Variants in DISP3 observed in about 807,000 individuals in gnomAD.
DISP3 encodes the protein dispatched RND transporter family member 3.
In DISP3, 101 loss-of-function variants were observed where a neutral mutation model predicts 135.3. The ratio of observed to expected loss-of-function variants is 0.75; its 90% CI spans 0.64 to 0.88. The LOEUF (loss-of-function observed/expected upper bound fraction) is 0.88. Among genes scored for constraint, DISP3 ranks in the 40% least tolerant of loss-of-function variants. The probability of loss-of-function intolerance (pLI) is 0.00; values close to 1 mark genes in which losing one functional copy is unlikely to be tolerated. For missense variants in DISP3, 1,713 were observed against 1,878.6 expected (o/e 0.91, Z 1.63); for synonymous variants, 856 against 817.0 (o/e 1.05, Z -0.81).
chr1:11,500,395 A>G (rs1263924189), intron 1 of DISP3, among the ~76,000 whole-genome samples: 3 of 152,224 alleles, frequency 2.0e-5, no homozygotes, highest in Non-Finnish European at 4.4e-5. Context: ...CTTTGACTCC[A>G]CAGTCGTACG....
chr1:11,524,367 G>A (rs549873664), intron 11 of DISP3, among the ~76,000 whole-genome samples: 75 of 152,092 alleles, frequency 4.9e-4, no homozygotes, highest in Non-Finnish European at 9.3e-4. Context: ...CCCTGCTGGA[G>A]TCTCCCTCAG....
At position 11,529,990 on chromosome 1, in the gene DISP3, G is replaced by T; in HGVS notation, c.3102+31G>T. 6.2e-7 allele frequency: 1 copy of T among 1,601,052 alleles called. No homozygotes were observed. The highest frequency in any genetic ancestry group is 8.5e-7 in the Non-Finnish European group (1 of 1,176,960). On this transcript the variant is annotated intron_variant, in intron 15 of 20. Transcript: ENST00000294484. This position sits in a 1 kb window ranked among gnomAD's most constrained non-coding sequence, Gnocchi z 4.7. ...GGGCATGCGTCGGGCAGATGCCGAGGGCCCCAGCTGCAACAGTCTTGCAAA... is the reference window on the plus strand; with the variant it reads ...GGGCATGCGTCGGGCAGATGCCGAGTGCCCCAGCTGCAACAGTCTTGCAAA...
At chr1:11,521,759 C>G (rs1314437253) in intron 10 of DISP3, among the ~76,000 whole-genome samples, 3 of 152,090 alleles carry the variant, frequency 2.0e-5, no homozygotes, top group Admixed American at 2.0e-4. Context: ...GTGGGAAAGA[C>G]CAATGCCACA....
intron 3 of DISP3, among the ~76,000 whole-genome samples, chr1:11,508,419 T>TA (rs57303946): frequency 0.038 from 5,548 of 145,752 alleles, 263 homozygotes; most frequent in African/African-American, 0.12. Context: ...CCCTGTCTCT[T>TA]AAAAAAAAAA....
chr1:11,517,257 G>A (rs1435792060), intron 6 of DISP3, among the ~76,000 whole-genome samples: 1 of 152,234 alleles, frequency 6.6e-6, no homozygotes, highest in African/African-American at 2.4e-5. Flanking sequence ...GACCCTTCCT[G>A]TGCTGCTGTG....
intron 1 of DISP3, among the ~76,000 whole-genome samples, chr1:11,482,982 T>C (rs1198820746): frequency 6.6e-6 from 1 of 152,224 alleles, no homozygotes; most frequent in Non-Finnish European, 1.5e-5. Context: ...AATAGAAACA[T>C]GCTCCAACTC....
rs1642170601 is a variant in DISP3 at position 11,520,964 on chromosome 1, C to T, written c.2362+116C>T. On this transcript the variant is annotated intron_variant, in intron 10 of 20. Transcript: ENST00000294484. The surrounding 1 kb of genome is among the most constrained non-coding windows in gnomAD (Gnocchi z 4.8). ...ATCAATGCCAGACCTCAGGCAAATC[C>T]CACTCCCCTCTGAGCCCCCATGTTC... 9.8e-6 allele frequency: 12 copies of T among 1,228,884 alleles called. No individual in the cohort carries two copies. Among genetic ancestry groups the T allele is most frequent in the African/African-American group, 1.5e-5 (1 of 65,628 alleles). 76.1% of individuals were successfully genotyped at this position (1,228,884 alleles called of 1,614,324 possible). A position where few individuals can be genotyped will look rare whatever the true frequency, so the allele number is the denominator to read the frequency against.
At position 11,531,741 on chromosome 1, in the gene DISP3, G is replaced by A; in HGVS notation, c.3375+31G>A. 1 of 1,567,148 alleles carries A rather than the reference G, an allele frequency of 6.4e-7. No individual in the cohort carries two copies. The highest frequency in any genetic ancestry group is 8.7e-7 in the Non-Finnish European group (1 of 1,155,976). ...CCCAGGCAGCCTCACTGGGTGCCATGCTGCGTACTTGCCCGGGGTGTGCCA... is the reference window on the plus strand; with the variant it reads ...CCCAGGCAGCCTCACTGGGTGCCATACTGCGTACTTGCCCGGGGTGTGCCA... On this transcript the variant is annotated intron_variant, in intron 17 of 20. Transcript: ENST00000294484. This position sits in a 1 kb window ranked among gnomAD's most constrained non-coding sequence, Gnocchi z 5.2.
chr1:11,525,049 T>A, intron 11 of DISP3, 127 bp from the exon 12 acceptor site: 2 of 1,151,174 alleles, frequency 1.7e-6, no homozygotes, highest in Admixed American at 2.1e-5. Context: ...ACAGCCAGCA[T>A]TTTGAGATGA....
intron 12 of DISP3, among the ~76,000 whole-genome samples, chr1:11,525,856 C>T (rs916746675): frequency 2.0e-5 from 3 of 152,170 alleles, no homozygotes; most frequent in Non-Finnish European, 4.4e-5. Flanking sequence ...GTCACCCAGG[C>T]TGGAGTGCAG....
At chr1:11,515,130 A>G (rs1265412738) in intron 4 of DISP3, among the ~76,000 whole-genome samples, 1 of 152,274 alleles carries the variant, frequency 6.6e-6, no homozygotes, top group African/African-American at 2.4e-5. Flanking sequence ...AATGTTCACA[A>G]GGCTCTTGAG....
chr1:11,530,759 G>A (rs557898230), intron 15 of DISP3, 148 bp from the exon 16 acceptor site: 1 of 1,067,902 alleles, frequency 9.4e-7, no homozygotes, highest in African/African-American at 1.6e-5. Context: ...GGGTGGAGCA[G>A]TGGGTGAGCA....
At chr1:11,527,918 C>A (rs1642470447) in intron 13 of DISP3, among the ~76,000 whole-genome samples, 1 of 152,190 alleles carries the variant, frequency 6.6e-6, no homozygotes, top group African/African-American at 2.4e-5. Context: ...GCTCTCCTGG[C>A]CCCATTGCCA....
At chr1:11,485,552 T>C (rs928371971) in intron 1 of DISP3, among the ~76,000 whole-genome samples, 33 of 152,130 alleles carry the variant, frequency 2.2e-4, no homozygotes, top group African/African-American at 8.0e-4. Context: ...AAATTGGTGT[T>C]CCTGGGAGGT....
chr1:11,535,210 C>T, intron 19 of DISP3, 86 bp downstream of exon 19: 2 of 1,286,830 alleles, frequency 1.6e-6, no homozygotes, highest in South Asian at 1.3e-5. Flanking sequence ...GCCTCCAGGC[C>T]TCTGAACCTT....
chr1:11,501,821 CTCA>C lies in DISP3; in HGVS notation c.832_834del (p.Ile278del), dbSNP rs760010390. 6.2e-7 allele frequency: 1 copy of C among 1,610,388 alleles called. No homozygotes were observed. Among genetic ancestry groups the C allele is most frequent in the Non-Finnish European group, 8.5e-7 (1 of 1,178,342 alleles). On this transcript the variant is annotated inframe_deletion, in exon 2 of 21. Transcript: ENST00000294484. This position sits in a 1 kb window ranked among gnomAD's most constrained non-coding sequence, Gnocchi z 4.9. ...GACGCACGCGCACTGGCGCATCGAG[CTCA>C]TCTTCCTGGCGCGCGGCGACGCGGA...
intron 13 of DISP3, among the ~76,000 whole-genome samples, chr1:11,527,593 T>C (rs1048805840): frequency 2.7e-5 from 4 of 150,842 alleles, no homozygotes; most frequent in Non-Finnish European, 4.4e-5. Flanking sequence ...CATTTCCACC[T>C]ACCTGCTCAG....
Position 11,536,242 on chromosome 1 carries a change from G to A in DISP3, c.3817-82G>A. On this transcript the variant is annotated intron_variant, in intron 20 of 20. Transcript: ENST00000294484. The surrounding 1 kb of genome is among the most constrained non-coding windows in gnomAD (Gnocchi z 4.3). ...GTAACAGAGCAGGAACCTGGCGTGG[G>A]GTGGGGGTGCGTGATTCCCCAGGTG... 6.6e-7 allele frequency: 1 copy of A among 1,509,034 alleles called. No individual in the cohort carries two copies. The highest frequency in any genetic ancestry group is 1.4e-5 in the African/African-American group (1 of 72,582). The allele number at this position is 1,509,034 out of a possible 1,614,324, so 93.5% of individuals were successfully genotyped here.
At chr1:11,479,828 CA>C (rs1640842345) in intron 1 of DISP3, among the ~76,000 whole-genome samples, 1 of 152,192 alleles carries the variant, frequency 6.6e-6, no homozygotes, top group Non-Finnish European at 1.5e-5. Context: ...TGACCCCCTC[CA>C]CCCACTCCCT....
Sources: gnomAD v4.1 joint callset for allele counts (sites outside exome capture counted in the v4.1 genomes callset) on GRCh38, gnomAD v4.1.1 for gene constraint, Gnocchi (gnomAD v3.1) non-coding constraint, MANE v1.5 for transcripts, NCBI Gene and HGNC (gene_info 2026-07-23, HGNC 2026-07-21) for gene names.